Variants in MYO3A observed in about 807,000 individuals in gnomAD.
The protein encoded by MYO3A is myosin-IIIa.
MYO3A carries 180 observed loss-of-function variants against 192.7 expected under a neutral mutation model. The observed-to-expected ratio is 0.93, with a 90% confidence interval of 0.83 to 1.06. The LOEUF (loss-of-function observed/expected upper bound fraction) is 1.06, where lower values mean the gene tolerates loss of function less well. MYO3A is among the 50% of genes least tolerant of loss of function. MYO3A has a pLI of 0.00. For missense variants in MYO3A, 1,896 were observed against 1,905.0 expected (o/e 1.00, Z 0.09); for synonymous variants, 628 against 645.3 (o/e 0.97, Z 0.41).
At chr10:26,116,966 A>G (rs961929365) in intron 17 of MYO3A, among the ~76,000 whole-genome samples, 1 of 152,210 alleles carries the variant, frequency 6.6e-6, no homozygotes, top group Non-Finnish European at 1.5e-5. Context: ...AATCCAAGCC[A>G]TAGATCTGGG....
At position 26,172,537 on chromosome 10, in the gene MYO3A, C is replaced by G. The variant is rs562484205; in HGVS notation, c.3399-1126C>G. Among the ~76,000 whole-genome samples the G allele has an allele frequency of 1.4e-3, 206 of 152,270 alleles. 1 individual carries two copies. Among genetic ancestry groups the G allele is most frequent in the Non-Finnish European group, 2.1e-3 (141 of 68,026 alleles). ...CACCAGTGAAATGCATTTAAAGGATCAAAACTAACTTATAAATGGATTTTT... is the reference window on the plus strand; with the variant it reads ...CACCAGTGAAATGCATTTAAAGGATGAAAACTAACTTATAAATGGATTTTT... On this transcript the variant is annotated intron_variant, in intron 29 of 34. Transcript: ENST00000642920.
At chr10:26,169,334 T>A (rs1039320910) in intron 28 of MYO3A, among the ~76,000 whole-genome samples, 4 of 152,224 alleles carry the variant, frequency 2.6e-5, no homozygotes, top group Admixed American at 2.0e-4. Flanking sequence ...CTTCACATAC[T>A]TTTATTAAGC....
chr10:26,103,985 T>A (rs888124779), intron 17 of MYO3A, among the ~76,000 whole-genome samples: 1 of 152,200 alleles, frequency 6.6e-6, no homozygotes, highest in East Asian at 1.9e-4. Flanking sequence ...CATCTGTGGC[T>A]CTTTTTTGGA....
rs918987227 is a variant in MYO3A at position 26,212,501 on chromosome 10, G to T, written c.*538G>T. 9 of 162,100 alleles carry T rather than the reference G, an allele frequency of 5.6e-5. No homozygotes were observed. In the East Asian group the frequency reaches 1.5e-3, roughly 28 times the overall value. The allele number at this position is 162,100 out of a possible 1,614,324, so 10.0% of individuals were successfully genotyped here. ...TCTTTCTCTTCCTTTGGTTATTAAGGTCACTAAATAAAGGAAGTGCCTTGG... is the reference window on the plus strand; with the variant it reads ...TCTTTCTCTTCCTTTGGTTATTAAGTTCACTAAATAAAGGAAGTGCCTTGG... On this transcript the variant is annotated 3_prime_UTR_variant, in exon 35 of 35. Coordinates refer to ENST00000642920, the MANE Select transcript of MYO3A (RefSeq NM_017433.5).
chr10:26,061,100 T>G (rs1834443615), intron 10 of MYO3A, among the ~76,000 whole-genome samples: 1 of 152,004 alleles, frequency 6.6e-6, no homozygotes, highest in African/African-American at 2.4e-5. Context: ...AGCTAATTTT[T>G]TTGTATTTTT....
intron 4 of MYO3A, among the ~76,000 whole-genome samples, chr10:25,975,171 G>A (rs1838896044): frequency 6.6e-6 from 1 of 152,172 alleles, no homozygotes; most frequent in South Asian, 2.1e-4. Context: ...TTGGGATGGA[G>A]ATGTAGCATT....
chr10:26,158,322 A>T (rs1016713040), intron 26 of MYO3A, among the ~76,000 whole-genome samples: 1 of 150,494 alleles, frequency 6.6e-6, no homozygotes, highest in Non-Finnish European at 1.5e-5. Context: ...GCGCGATCTC[A>T]GCTCACTGCA....
chr10:25,952,267 G>A lies in MYO3A; in HGVS notation c.157G>A (p.Asp53Asn). 1.2e-6 allele frequency: 2 copies of A among 1,612,252 alleles called. No homozygotes were observed. The highest frequency in any genetic ancestry group is 1.7e-6 in the Non-Finnish European group (2 of 1,178,986). The part of the protein sequence containing the change: ...NGQKAAVKIL[D>N]PIHDIDEEIE... ...CCAAAAAGCAGCAGTCAAAATTCTT[G>A]ATCCAATTCACGTAAGTCATATTTT... Residue 53 changes from aspartate to asparagine, a missense_variant, in exon 3 of 35, where the codon GAT (aspartate) becomes AAT (asparagine). By Grantham distance (23) the Asp-to-Asn change is conservative (BLOSUM62 1). Transcript: ENST00000642920.
intron 4 of MYO3A, among the ~76,000 whole-genome samples, chr10:25,971,500 A>G (rs1002636143): frequency 6.6e-6 from 1 of 152,016 alleles, no homozygotes; most frequent in Non-Finnish European, 1.5e-5. Context: ...TTCATTCTAA[A>G]AAATTTCCTT....
chr10:25,964,861 T>C lies in MYO3A; in HGVS notation c.303+9853T>C, dbSNP rs536234033. On this transcript the variant is annotated intron_variant, in intron 4 of 34. Transcript: ENST00000642920. Reference sequence around the variant, plus strand: ...TCTTCATGTTTGAAGGGTATTTCACTGGATATACTATTCCAGGGTAAAAGT... The same window carrying C: ...TCTTCATGTTTGAAGGGTATTTCACCGGATATACTATTCCAGGGTAAAAGT... Among the ~76,000 whole-genome samples the C allele has an allele frequency of 5.9e-5, 9 of 152,356 alleles. No homozygotes were observed. In the South Asian group the frequency reaches 1.9e-3, roughly 32 times the overall value.
Position 26,173,993 on chromosome 10 carries a change from G to A in MYO3A, c.3729G>A (p.Arg1243=), listed in dbSNP as rs146832858. Residue 1243 remains arginine (R), a synonymous_variant, in exon 30 of 35, where the codon AGG becomes AGA. Coordinates refer to ENST00000642920, the MANE Select transcript of MYO3A (RefSeq NM_017433.5). ...EEAMIQSYYQ[R]YTEERNCEES... ...CTATGATCCAGAGTTACTATCAGAG[G>A]TACACAGAGGAGAGGAATTGTGAAG... The A allele has an allele frequency of 5.8e-4, 937 of 1,609,764 alleles. 1 individual carries two copies. The highest frequency in any genetic ancestry group is 1.3e-3 in the Middle Eastern group (8 of 6,020).
intron 6 of MYO3A, among the ~76,000 whole-genome samples, chr10:25,999,850 T>G (rs1225098508): frequency 6.6e-6 from 1 of 151,974 alleles, no homozygotes; most frequent in Non-Finnish European, 1.5e-5. Flanking sequence ...CATCCTCGAG[T>G]CTTCCCTTGT....
intron 3 of MYO3A, among the ~76,000 whole-genome samples, chr10:25,952,498 A>G (rs1302293116): frequency 6.6e-6 from 1 of 152,184 alleles, no homozygotes; most frequent in Non-Finnish European, 1.5e-5. Flanking sequence ...TAAATGCATA[A>G]GCACGCAAAA....
chr10:26,088,827 A>G (rs950180656), intron 15 of MYO3A, among the ~76,000 whole-genome samples: 5 of 152,236 alleles, frequency 3.3e-5, no homozygotes, highest in Non-Finnish European at 7.4e-5. Context: ...CAAGGGACCA[A>G]ATAAAAGATT....
intron 17 of MYO3A, among the ~76,000 whole-genome samples, chr10:26,097,144 T>C (rs1255431612): frequency 1.3e-5 from 2 of 152,048 alleles, no homozygotes; most frequent in Non-Finnish European, 2.9e-5. Flanking sequence ...ATTTTCATAT[T>C]ATAAATTTTT....
intron 21 of MYO3A, 94 bp from the exon 22 acceptor site, chr10:26,145,352 A>C (rs1051989922): frequency 2.4e-6 from 2 of 840,768 alleles, no homozygotes; most frequent in Non-Finnish European, 4.0e-6. Flanking sequence ...TTCTTTGTTC[A>C]CTGCACATTG....
At chr10:26,137,761 G>A (rs997736375) in intron 20 of MYO3A, among the ~76,000 whole-genome samples, 8 of 152,238 alleles carry the variant, frequency 5.3e-5, no homozygotes, top group Non-Finnish European at 4.4e-5. Flanking sequence ...GTCTATAATC[G>A]GCTGCTCTGG....
intron 6 of MYO3A, among the ~76,000 whole-genome samples, chr10:26,004,433 GTTTATA>G (rs1841050415): frequency 6.6e-6 from 1 of 151,144 alleles, no homozygotes. Context: ...TTTAATATCT[GTTTATA>G]TTAATATATA....
At chr10:25,947,206 C>T (rs1239136968) in intron 2 of MYO3A, among the ~76,000 whole-genome samples, 2 of 151,860 alleles carry the variant, frequency 1.3e-5, no homozygotes, top group African/African-American at 4.8e-5. Flanking sequence ...TGCTCTTGAA[C>T]TCCTTTAGTA....
Sources: gnomAD v4.1 joint callset for allele counts (sites outside exome capture counted in the v4.1 genomes callset) on GRCh38, gnomAD v4.1.1 for gene constraint, MANE v1.5 for transcripts, NCBI Gene and HGNC (gene_info 2026-07-23, HGNC 2026-07-21) for gene names.